The following PLEKHG3 variants were observed in gnomAD, a reference collection of about 807,000 sequenced individuals.
PLEKHG3 encodes pleckstrin homology domain-containing family G member 3.
PLEKHG3 carries 62 observed loss-of-function variants against 94.9 expected under a neutral mutation model. The ratio of observed to expected loss-of-function variants is 0.65; its 90% CI spans 0.53 to 0.81. The LOEUF (loss-of-function observed/expected upper bound fraction) is 0.81. Among genes scored for constraint, PLEKHG3 ranks in the 30% least tolerant of loss-of-function variants. The pLI is 0.00. For missense variants in PLEKHG3, 1,461 were observed against 1,619.3 expected, an observed-to-expected ratio of 0.90 and a Z score of 1.68; for synonymous variants, 614 against 654.0, an observed-to-expected ratio of 0.94 and a Z score of 0.93.
Position 64,722,235 on chromosome 14 carries a change from A to T in PLEKHG3, c.-39-5358A>T, listed in dbSNP as rs2081274782. 6.6e-6 allele frequency among the ~76,000 whole-genome samples: 1 copy of T among 151,942 alleles called. No homozygotes were observed. Among genetic ancestry groups the T allele is most frequent in the Non-Finnish European group, 1.5e-5 (1 of 68,004 alleles). The stretch of plus-strand genomic sequence containing the variant: ...CTTCCTTTCTTTTTTTGTTTTTGAG[A>T]TGGAGTTTCGCTCTCATTGCCTAGG... On this transcript the variant is annotated intron_variant, in intron 1 of 16. Coordinates refer to ENST00000247226, the MANE Select transcript of PLEKHG3 (RefSeq NM_001308147.2). This position sits in a 1 kb window ranked among gnomAD's most constrained non-coding sequence, Gnocchi z 4.3.
Position 64,743,670 on chromosome 14 carries a change from A to G in PLEKHG3, c.3627A>G (p.Arg1209=), listed in dbSNP as rs755688178. ...AGCAGGGCAGAGTGAGAAACCTTAG[A>G]GAGAAGTTCCAGGCCTTGAACTCTG... is the stretch of plus-strand genomic sequence containing the variant. The part of the protein sequence containing the change: ...PSQQGRVRNL[R]EKFQALNSVG The change falls in exon 17 of 17, where the codon AGA becomes AGG. Residue 1209 remains arginine, a synonymous_variant. Coordinates refer to ENST00000247226, the MANE Select transcript of PLEKHG3 (RefSeq NM_001308147.2). The surrounding 1 kb of genome is among the most constrained non-coding windows in gnomAD (Gnocchi z 7.2). 68 of 1,593,120 alleles carry G rather than the reference A, an allele frequency of 4.3e-5. No individual in the cohort carries two copies. The highest frequency in any genetic ancestry group is 5.6e-5 in the Non-Finnish European group (66 of 1,170,970).
rs1401352362 is a variant in PLEKHG3, at chr14:64,747,753, C to G, written c.*4050C>G. The G allele has an allele frequency of 6.6e-6, 1 of 152,430 alleles. No individual in the cohort carries two copies. The highest frequency in any genetic ancestry group is 1.5e-5 in the Non-Finnish European group (1 of 68,284). 9.4% of individuals were successfully genotyped at this position (152,430 alleles called of 1,614,324 possible). A position where few individuals can be genotyped will look rare whatever the true frequency, so the allele number is the denominator to read the frequency against. ...GGTGATAGAAACTTGACTGCAGGCC[C>G]TGGGGACTTTCATGGTTTCCTTGGG... On this transcript the variant is annotated 3_prime_UTR_variant, in exon 17 of 17. Transcript: ENST00000247226.
At position 64,716,124 on chromosome 14, in the gene PLEKHG3, T is replaced by G. The variant is rs1169080988; in HGVS notation, c.-40+11420T>G. 4.4e-6 allele frequency: 2 copies of G among 452,762 alleles called. No homozygotes were observed. Among genetic ancestry groups the G allele is most frequent in the Non-Finnish European group, 8.9e-6 (2 of 224,728 alleles). 28.0% of individuals were successfully genotyped at this position (452,762 alleles called of 1,614,324 possible). Reference sequence around the variant, plus strand: ...ACCCGGCTGGGGCCAGGCCAGGGGATGGGAATGGGGTGGGATGGGGACTCT... The same window carrying G: ...ACCCGGCTGGGGCCAGGCCAGGGGAGGGGAATGGGGTGGGATGGGGACTCT... On this transcript the variant is annotated intron_variant, in intron 1 of 16. Transcript: ENST00000247226. The surrounding 1 kb of genome is among the most constrained non-coding windows in gnomAD (Gnocchi z 5.0).
At chr14:64,711,702 G>A (rs981123325) in intron 1 of PLEKHG3, among the ~76,000 whole-genome samples, 1 of 152,214 alleles carries the variant, frequency 6.6e-6, no homozygotes, top group Non-Finnish European at 1.5e-5. Context: ...GTGAGCCATT[G>A]CGCCCGGCCA....
Position 64,731,383 on chromosome 14 carries a change from A to C in PLEKHG3, c.872A>C (p.Asn291Thr). Residue 291 changes from asparagine (N) to threonine (T), a missense_variant, in exon 8 of 17, where the codon AAC becomes ACC. Asn to Thr is a moderately conservative substitution (Grantham distance 65). Transcript: ENST00000247226. The surrounding 1 kb of genome is among the most constrained non-coding windows in gnomAD (Gnocchi z 6.1). The part of the protein sequence containing the change: ...RLQEIQSLLI[N>T]WKGPDLTTYG... ...CAGGAGATTCAGTCACTCCTCATCAACTGGAAGGGGCCCGACCTGACCACC... is the reference window on the plus strand; with the variant it reads ...CAGGAGATTCAGTCACTCCTCATCACCTGGAAGGGGCCCGACCTGACCACC... The C allele has an allele frequency of 6.2e-7, 1 of 1,613,860 alleles. No homozygotes were observed. The highest frequency in any genetic ancestry group is 1.1e-5 in the South Asian group (1 of 91,082).
intron 1 of PLEKHG3, among the ~76,000 whole-genome samples, chr14:64,719,759 C>G (rs879507111): frequency 6.6e-6 from 1 of 152,028 alleles, no homozygotes; most frequent in African/African-American, 2.4e-5. Flanking sequence ...CCACCCACCC[C>G]GCTCCAGCCT....
In PLEKHG3 at chr14:64,717,146, T is replaced by TGTGTGTGTGTGA. The variant is rs2081181189; in HGVS notation, c.-39-10444_-39-10443insTGTGTGTGAGTG. On this transcript the variant is annotated intron_variant, in intron 1 of 16. Coordinates refer to ENST00000247226, the MANE Select transcript of PLEKHG3 (RefSeq NM_001308147.2). This position sits in a 1 kb window ranked among gnomAD's most constrained non-coding sequence, Gnocchi z 4.7. ...GTGTGTGTGTGTGTGTGTGTGTGTG[T>TGTGTGTGTGTGA]GTGAGTCCATAAGGTCTGCTTTGGA... 6.6e-6 allele frequency among the ~76,000 whole-genome samples: 1 copy of TGTGTGTGTGTGA among 151,792 alleles called. No homozygotes were observed. The highest frequency in any genetic ancestry group is 1.9e-4 in the East Asian group (1 of 5,182).
At position 64,716,465 on chromosome 14, in the gene PLEKHG3, C is replaced by CACACACAA. The variant is rs1334762971; in HGVS notation, c.-39-11127_-39-11126insCACACAAA. Among the ~76,000 whole-genome samples, 7 of 107,962 alleles carry CACACACAA rather than the reference C, an allele frequency of 6.5e-5. No individual in the cohort carries two copies. Among genetic ancestry groups the CACACACAA allele is most frequent in the Non-Finnish European group, 1.0e-4 (5 of 49,968 alleles). 70.8% of individuals were successfully genotyped at this position (107,962 alleles called of 152,430 possible). On this transcript the variant is annotated intron_variant, in intron 1 of 16. Transcript: ENST00000247226. This position sits in a 1 kb window ranked among gnomAD's most constrained non-coding sequence, Gnocchi z 5.0. ...ACACACACACACACACACACACACA[C>CACACACAA]AACACACACACACACAACACACACA...
At position 64,728,083 on chromosome 14, in the gene PLEKHG3, A is replaced by ACCCC; in HGVS notation, c.351+101_351+102insCCCC. ...CCTGCTTCCCATAAAGTAGTTGGAG[A>ACCCC]ACTGGGGTCTCCCACCCTCGCTGAC... On this transcript the variant is annotated intron_variant, in intron 2 of 16. Transcript: ENST00000247226. This position sits in a 1 kb window ranked among gnomAD's most constrained non-coding sequence, Gnocchi z 5.9. 5 of 762,198 alleles carry ACCCC rather than the reference A, an allele frequency of 6.6e-6. No homozygotes were observed. Among genetic ancestry groups the ACCCC allele is most frequent in the Non-Finnish European group, 1.0e-5 (5 of 488,584 alleles). The allele number at this position is 762,198 out of a possible 1,614,324, so 47.2% of individuals were successfully genotyped here.
chr14:64,713,682 T>G (rs557999344), intron 1 of PLEKHG3, among the ~76,000 whole-genome samples: 3 of 152,330 alleles, frequency 2.0e-5, no homozygotes, highest in Admixed American at 6.5e-5. Flanking sequence ...GTGTGTGCCT[T>G]CAATCTGAGG....
intron 1 of PLEKHG3, among the ~76,000 whole-genome samples, chr14:64,714,155 T>A (rs537641947): frequency 2.5e-4 from 38 of 152,334 alleles, no homozygotes; most frequent in Non-Finnish European, 3.4e-4. Context: ...CCTTGTGTGG[T>A]TTGAAATTTC....
chr14:64,737,789 C>CG (rs1157361192), intron 14 of PLEKHG3: 4 of 787,636 alleles, frequency 5.1e-6, no homozygotes, highest in South Asian at 4.0e-5. Flanking sequence ...AGGCTCCCCC[C>CG]CCGCAGCTGC....
intron 1 of PLEKHG3, among the ~76,000 whole-genome samples, chr14:64,707,020 C>A (rs1047968855): frequency 6.6e-6 from 1 of 152,218 alleles, no homozygotes; most frequent in Non-Finnish European, 1.5e-5. Flanking sequence ...GTCTTCAGCT[C>A]CTCATCTGTG....
At position 64,729,075 on chromosome 14, in the gene PLEKHG3, A is replaced by G; in HGVS notation, c.431A>G (p.Asn144Ser). ...QVSALFGNIENIYALNSQLLR... is the reference protein window; with the variant it reads ...QVSALFGNIESIYALNSQLLR... ...AGCGCCCTCTTTGGGAACATAGAAAATATCTACGCGCTGAACAGGTGTGTG... is the reference window on the plus strand; with the variant it reads ...AGCGCCCTCTTTGGGAACATAGAAAGTATCTACGCGCTGAACAGGTGTGTG... Residue 144 changes from asparagine (N) to serine (S), a missense_variant, in exon 3 of 17, where the codon AAT becomes AGT. Asn to Ser is a conservative substitution (Grantham distance 46, BLOSUM62 1). This residue lies in a region of PLEKHG3 where 253 missense variants were observed against 297.8 expected (regional missense o/e 0.85). Transcript: ENST00000247226. The G allele has an allele frequency of 6.6e-7, 1 of 1,509,016 alleles. No individual in the cohort carries two copies. Among genetic ancestry groups the G allele is most frequent in the Non-Finnish European group, 8.9e-7 (1 of 1,122,736 alleles). The allele number at this position is 1,509,016 out of a possible 1,614,324, so 93.5% of individuals were successfully genotyped here.
In PLEKHG3 at chr14:64,720,044, T is replaced by C. The variant is rs927317250; in HGVS notation, c.-39-7549T>C. Among the ~76,000 whole-genome samples, 1 of 152,244 alleles carries C rather than the reference T, an allele frequency of 6.6e-6. No individual in the cohort carries two copies. The highest frequency in any genetic ancestry group is 1.5e-5 in the Non-Finnish European group (1 of 68,038). On this transcript the variant is annotated intron_variant, in intron 1 of 16. Transcript: ENST00000247226. This position sits in a 1 kb window ranked among gnomAD's most constrained non-coding sequence, Gnocchi z 4.1. ...GTTGTGCTGGCAGCCAAGTTACCTC[T>C]ACACTGGCTGTGAACAAGAGCAATT... is the stretch of plus-strand genomic sequence containing the variant.
chr14:64,730,928 C>G lies in PLEKHG3; in HGVS notation c.696C>G (p.Leu232=). 1.9e-6 allele frequency: 3 copies of G among 1,613,078 alleles called. No homozygotes were observed. Among genetic ancestry groups the G allele is most frequent in the Non-Finnish European group, 2.5e-6 (3 of 1,179,888 alleles). The change falls in exon 6 of 17, where the codon CTC becomes CTG. Residue 232 remains leucine (L), a synonymous_variant. Transcript: ENST00000247226. This position sits in a 1 kb window ranked among gnomAD's most constrained non-coding sequence, Gnocchi z 5.4. ...TGCTGAAGCCAGTCCAGCGCATCCTCAAGTACCACCTGCTGCTCCAGGTAG... is the reference window on the plus strand; with the variant it reads ...TGCTGAAGCCAGTCCAGCGCATCCTGAAGTACCACCTGCTGCTCCAGGTAG... ...SYLLKPVQRI[L]KYHLLLQEIA...
In PLEKHG3 at chr14:64,716,756, C is replaced by T. The variant is rs1028599333; in HGVS notation, c.-39-10837C>T. 5.9e-5 allele frequency among the ~76,000 whole-genome samples: 9 copies of T among 152,072 alleles called. No individual in the cohort carries two copies. Among genetic ancestry groups the T allele is most frequent in the Non-Finnish European group, 1.2e-4 (8 of 67,994 alleles). On this transcript the variant is annotated intron_variant, in intron 1 of 16. Transcript: ENST00000247226. This position sits in a 1 kb window ranked among gnomAD's most constrained non-coding sequence, Gnocchi z 5.0. ...TTCAGAGCAGCAGGAGTGTGGAGGT[C>T]GGGGCAGATCGACTGCAAATCAAGG...
Position 64,744,258 on chromosome 14 carries a change from GGGTTGTTGTGCTGACCCTGT to G in PLEKHG3, c.*562_*581del, listed in dbSNP as rs1234782104. ...GTGGATTCAGTTCAGGTACTTTTGA[GGGTTGTTGTGCTGACCCTGT>G]GGTTGTCGCTGATGTACACACATTT... On this transcript the variant is annotated 3_prime_UTR_variant, in exon 17 of 17. Coordinates refer to ENST00000247226, the MANE Select transcript of PLEKHG3 (RefSeq NM_001308147.2). 3 of 152,920 alleles carry G rather than the reference GGGTTGTTGTGCTGACCCTGT, an allele frequency of 2.0e-5. No homozygotes were observed. Among genetic ancestry groups the G allele is most frequent in the Non-Finnish European group, 4.4e-5 (3 of 68,274 alleles). The allele number at this position is 152,920 out of a possible 1,614,324, so 9.5% of individuals were successfully genotyped here. A position where few individuals can be genotyped will look rare whatever the true frequency, so the allele number is the denominator to read the frequency against.
Position 64,738,328 on chromosome 14 carries a change from G to A in PLEKHG3, c.1405-414G>A. On this transcript the variant is annotated intron_variant, in intron 14 of 16. Coordinates refer to ENST00000247226, the MANE Select transcript of PLEKHG3 (RefSeq NM_001308147.2). This position sits in a 1 kb window ranked among gnomAD's most constrained non-coding sequence, Gnocchi z 4.8. ...GCCCTCCTCACCCCACCCTGCCCTG[G>A]TTTTACTCCTCCCCTCAGCACTTAA... 1.6e-6 allele frequency: 1 copy of A among 615,182 alleles called. No homozygotes were observed. Among genetic ancestry groups the A allele is most frequent in the East Asian group, 6.5e-5 (1 of 15,310 alleles). 38.1% of individuals were successfully genotyped at this position (615,182 alleles called of 1,614,324 possible).
Sources: gnomAD v4.1 joint callset for allele counts (sites outside exome capture counted in the v4.1 genomes callset) on GRCh38, gnomAD v4.1.1 for gene constraint, gnomAD v4.1.1 regional missense constraint, Gnocchi (gnomAD v3.1) non-coding constraint, MANE v1.5 for transcripts, NCBI Gene and HGNC (gene_info 2026-07-23, HGNC 2026-07-21) for gene names.